The following MC4R variants were observed in gnomAD, a reference collection of about 807,000 sequenced individuals.
The protein encoded by MC4R is melanocortin 4 receptor, also known as melanocortin receptor 4.
A neutral mutation model predicts 16.1 loss-of-function variants in MC4R; 15 were observed. The observed-to-expected ratio is 0.93, with a 90% CI of 0.62 to 1.44. MC4R has a LOEUF of 1.44. MC4R is among the 40% of genes most tolerant of loss of function. MC4R has a pLI of 0.00. For synonymous variants in MC4R, 162 were observed against 151.7 expected (o/e 1.07, Z -0.50); for missense variants, 416 against 411.4 (o/e 1.01, Z -0.10).
chr18:60,371,354 A>G lies in MC4R; in HGVS notation c.996T>C (p.Tyr332=). Residue 332 remains tyrosine (Y), a synonymous_variant, in exon 1 of 1, where the codon TAT becomes TAC. Transcript: ENST00000299766. ...LGGLCDLSSR[Y] ...ATATTGCGTGCTCTGTCCCCATTTA[A>G]TATCTGCTAGACAAGTCACAAAGGC... The G allele has an allele frequency of 6.2e-7, 1 of 1,614,168 alleles. No homozygotes were observed. Among genetic ancestry groups the G allele is most frequent in the Non-Finnish European group, 8.5e-7 (1 of 1,180,026 alleles).
rs371201478 is a variant in MC4R at position 60,371,427 on chromosome 18, T to A, written c.923A>T (p.Glu308Val). The change falls in exon 1 of 1, where the codon GAA (glutamate) becomes GTA (valine). Residue 308 changes from glutamate to valine, a missense_variant. Glu to Val is a moderately radical substitution (Grantham distance 121). Transcript: ENST00000299766. ...GATCTCTTTGAAGGTTTTCCTCAGTTCTTGACTCCGGAGTGCATAAATCAG... is the reference window on the plus strand; with the variant it reads ...GATCTCTTTGAAGGTTTTCCTCAGTACTTGACTCCGGAGTGCATAAATCAG... ...DPLIYALRSQ[E>V]LRKTFKEIIC... 6.2e-6 allele frequency: 10 copies of A among 1,614,062 alleles called. No homozygotes were observed. The African/African-American group carries it at 1.3e-4, about 22-fold the overall frequency.
rs13447324 is a variant in MC4R at position 60,372,245 on chromosome 18, G to T, written c.105C>A (p.Tyr35Ter). 6.7e-5 allele frequency: 108 copies of T among 1,614,092 alleles called. No individual in the cohort carries two copies. Among genetic ancestry groups the T allele is most frequent in the Non-Finnish European group, 8.6e-5 (102 of 1,180,048 alleles). Reference sequence around the variant, plus strand: ...GTTGCTCGTAGCACCCTCCATCAGAGTAGCCTTTTCCAAGGGACTCACTGG... The same window carrying T: ...GTTGCTCGTAGCACCCTCCATCAGATTAGCCTTTTCCAAGGGACTCACTGG... ...SNASESLGKG[Y>*]SDGGCYEQLF... Residue 35 changes from tyrosine to a stop codon, truncating the protein, a stop_gained, in exon 1 of 1, where the codon TAC becomes TAA. Transcript: ENST00000299766. LOFTEE classifies it high-confidence loss of function.
In MC4R at chr18:60,371,444, A is replaced by G; in HGVS notation, c.906T>C (p.Tyr302=). The change falls in exon 1 of 1, where the codon TAT becomes TAC. Residue 302 remains tyrosine (Y), a synonymous_variant. Transcript: ENST00000299766. Reference sequence around the variant, plus strand: ...TCCTCAGTTCTTGACTCCGGAGTGCATAAATCAGAGGATCGATGATTGAAT... The same window carrying G: ...TCCTCAGTTCTTGACTCCGGAGTGCGTAAATCAGAGGATCGATGATTGAAT... ...MCNSIIDPLI[Y]ALRSQELRKT... is the part of the protein sequence containing the mutation. 1 of 1,614,258 alleles carries G rather than the reference A, an allele frequency of 6.2e-7. No individual in the cohort carries two copies. The highest frequency in any genetic ancestry group is 1.3e-5 in the African/African-American group (1 of 75,082).
chr18:60,372,525 T>C lies in MC4R; in HGVS notation c.-176A>G, dbSNP rs78877161. 1.4e-3 allele frequency: 950 copies of C among 683,080 alleles called. 7 individuals carry two copies. In the African/African-American group the frequency reaches 0.015, roughly 11 times the overall value. 42.3% of individuals were successfully genotyped at this position (683,080 alleles called of 1,614,324 possible). A position where few individuals can be genotyped will look rare whatever the true frequency, so the allele number is the denominator to read the frequency against. ...GCTTGACATGGAGTTTTTAGTCTCT[T>C]TTAGGTACGACTCTAATCATCATCA... On this transcript the variant is annotated 5_prime_UTR_variant, in exon 1 of 1. Transcript: ENST00000299766.
chr18:60,372,558 A>C lies in MC4R; in HGVS notation c.-209T>G, dbSNP rs1915373608. On this transcript the variant is annotated 5_prime_UTR_variant, in exon 1 of 1. Coordinates refer to ENST00000299766, the MANE Select transcript of MC4R (RefSeq NM_005912.3). ...CGACTCTAATCATCATCACTTTAAA[A>C]TCTTGGGCTTCAAAATATTCATTCT... is the stretch of plus-strand genomic sequence containing the variant. The C allele has an allele frequency of 1.6e-6, 1 of 612,018 alleles. No homozygotes were observed. The highest frequency in any genetic ancestry group is 3.0e-6 in the Non-Finnish European group (1 of 337,400). 37.9% of individuals were successfully genotyped at this position (612,018 alleles called of 1,614,324 possible). A position where few individuals can be genotyped will look rare whatever the true frequency, so the allele number is the denominator to read the frequency against.
chr18:60,372,673 C>A lies in MC4R; in HGVS notation c.-324G>T. Reference sequence around the variant, plus strand: ...TTCAAGTCTGTTCAAAATAATTTTCCTTGAAGCTGCCATGCCATTGGGAGA... The same window carrying A: ...TTCAAGTCTGTTCAAAATAATTTTCATTGAAGCTGCCATGCCATTGGGAGA... On this transcript the variant is annotated 5_prime_UTR_variant, in exon 1 of 1. It adds an upstream start codon to the 5' untranslated region. Transcript: ENST00000299766. 1 of 375,868 alleles carries A rather than the reference C, an allele frequency of 2.7e-6. No homozygotes were observed. Among genetic ancestry groups the A allele is most frequent in the Non-Finnish European group, 5.3e-6 (1 of 188,700 alleles). 23.3% of individuals were successfully genotyped at this position (375,868 alleles called of 1,614,324 possible).
rs904329986 is a variant in MC4R, at chr18:60,371,171, A to C, written c.*180T>G. 2.9e-5 allele frequency: 19 copies of C among 655,674 alleles called. No individual in the cohort carries two copies. In the Admixed American group the frequency reaches 3.7e-4, roughly 13 times the overall value. The allele number at this position is 655,674 out of a possible 1,614,324, so 40.6% of individuals were successfully genotyped here. A position where few individuals can be genotyped will look rare whatever the true frequency, so the allele number is the denominator to read the frequency against. On this transcript the variant is annotated 3_prime_UTR_variant, in exon 1 of 1. Coordinates refer to ENST00000299766, the MANE Select transcript of MC4R (RefSeq NM_005912.3). ...CCAAAAAAGTAGCATGACATTGGAA[A>C]TAATACAGAGACTGGGCATTTTTTC...
Position 60,371,574 on chromosome 18 carries a change from G to A in MC4R, c.776C>T (p.Ala259Val), listed in dbSNP as rs762825773. The A allele has an allele frequency of 1.4e-5, 23 of 1,614,080 alleles. No homozygotes were observed. In the Admixed American group the frequency reaches 3.0e-4, roughly 21 times the overall value. The change falls in exon 1 of 1, where the codon GCC becomes GTC. Residue 259 changes from alanine (A) to valine (V), a missense_variant. Coordinates refer to ENST00000299766, the MANE Select transcript of MC4R (RefSeq NM_005912.3). ...GAATATTAAGTGGAGGAAGAATGGG[G>A]CCCAGCAGACAACAAAGACGCCAAT... ...ILIGVFVVCW[A>V]PFFLHLIFYI...
In MC4R at chr18:60,372,304, A is replaced by G; in HGVS notation, c.46T>C (p.Trp16Arg). 6.2e-7 allele frequency: 1 copy of G among 1,614,218 alleles called. No individual in the cohort carries two copies. The highest frequency in any genetic ancestry group is 1.1e-5 in the South Asian group (1 of 91,084). The change falls in exon 1 of 1, where the codon TGG (tryptophan) becomes CGG (arginine). Residue 16 changes from tryptophan to arginine, a missense_variant. Physicochemically the swap from Trp to Arg is moderately radical, Grantham distance 101. Transcript: ENST00000299766. ...HRGMHTSLHLWNRSSYRLHSN... is the reference protein window; with the variant it reads ...HRGMHTSLHLRNRSSYRLHSN... ...TGCAGTCTGTAACTGCTGCGGTTCC[A>G]GAGGTGCAGAGAAGTGTGCATCCCA...
rs914523959 is a variant in MC4R, at chr18:60,371,090, T to G, written c.*261A>C. On this transcript the variant is annotated 3_prime_UTR_variant, in exon 1 of 1. Transcript: ENST00000299766. The stretch of plus-strand genomic sequence containing the variant: ...ATTGTTAAGCTTTTAATAAGGACTT[T>G]TCTTTTTGTAAATCCACAGTGCCTA... The G allele has an allele frequency of 2.4e-5, 11 of 456,206 alleles. No homozygotes were observed. The highest frequency in any genetic ancestry group is 4.0e-5 in the Non-Finnish European group (10 of 248,810). 28.3% of individuals were successfully genotyped at this position (456,206 alleles called of 1,614,324 possible).
rs1483418974 is a variant in MC4R, at chr18:60,372,250, C to A, written c.100G>T (p.Gly34Cys). ...TCGTAGCACCCTCCATCAGAGTAGC[C>A]TTTTCCAAGGGACTCACTGGCATTG... ...HSNASESLGKGYSDGGCYEQL... is the reference protein window; with the variant it reads ...HSNASESLGKCYSDGGCYEQL... Residue 34 changes from glycine to cysteine, a missense_variant, in exon 1 of 1, where the codon GGC (glycine) becomes TGC (cysteine). By Grantham distance (159) the Gly-to-Cys change is radical. Coordinates refer to ENST00000299766, the MANE Select transcript of MC4R (RefSeq NM_005912.3). 2 of 1,614,214 alleles carry A rather than the reference C, an allele frequency of 1.2e-6. No individual in the cohort carries two copies. The highest frequency in any genetic ancestry group is 8.5e-7 in the Non-Finnish European group (1 of 1,180,042).
Position 60,372,120 on chromosome 18 carries a change from G to A in MC4R, c.230C>T (p.Ser77Leu), listed in dbSNP as rs1271243303. Residue 77 changes from serine to leucine, a missense_variant, in exon 1 of 1, where the codon TCA becomes TTA. Ser to Leu is a moderately radical substitution (Grantham distance 145, BLOSUM62 -2). Coordinates refer to ENST00000299766, the MANE Select transcript of MC4R (RefSeq NM_005912.3). The part of the protein sequence containing the change: ...VAIAKNKNLH[S>L]PMYFFICSLA... The stretch of plus-strand genomic sequence containing the variant: ...GCTGCAGATGAAAAAGTACATGGGT[G>A]AATGCAGATTCTTGTTCTTGGCTAT... 4 of 1,614,232 alleles carry A rather than the reference G, an allele frequency of 2.5e-6. No homozygotes were observed. The highest frequency in any genetic ancestry group is 3.4e-6 in the Non-Finnish European group (4 of 1,180,048).
Position 60,371,259 on chromosome 18 carries a change from A to G in MC4R, c.*92T>C. Reference sequence around the variant, plus strand: ...ATTCTCAACCAGTACCCTACACGGAAGAGAAAGCTGTTGCAGAAGTACAAT... The same window carrying G: ...ATTCTCAACCAGTACCCTACACGGAGGAGAAAGCTGTTGCAGAAGTACAAT... On this transcript the variant is annotated 3_prime_UTR_variant, in exon 1 of 1. Transcript: ENST00000299766. The G allele has an allele frequency of 1.5e-6, 2 of 1,309,360 alleles. No individual in the cohort carries two copies. The highest frequency in any genetic ancestry group is 2.2e-6 in the Non-Finnish European group (2 of 909,754). 81.1% of individuals were successfully genotyped at this position (1,309,360 alleles called of 1,614,324 possible). A position where few individuals can be genotyped will look rare whatever the true frequency, so the allele number is the denominator to read the frequency against.
rs1915359215 is a variant in MC4R at position 60,372,103 on chromosome 18, T to C, written c.247A>G (p.Ile83Val). The C allele has an allele frequency of 1.9e-6, 3 of 1,614,120 alleles. No homozygotes were observed. The highest frequency in any genetic ancestry group is 2.5e-6 in the Non-Finnish European group (3 of 1,180,052). ...ATATCAGCCACAGCCAAGCTGCAGA[T>C]GAAAAAGTACATGGGTGAATGCAGA... ...KNLHSPMYFF[I>V]CSLAVADMLV... Residue 83 changes from isoleucine (I) to valine (V), a missense_variant, in exon 1 of 1, where the codon ATC becomes GTC. Transcript: ENST00000299766.
In MC4R at chr18:60,371,954, G is replaced by A; in HGVS notation, c.396C>T (p.Ser132=). The A allele has an allele frequency of 6.2e-7, 1 of 1,614,120 alleles. No individual in the cohort carries two copies. Among genetic ancestry groups the A allele is most frequent in the South Asian group, 1.1e-5 (1 of 91,086 alleles). The change falls in exon 1 of 1, where the codon TCC becomes TCT. Residue 132 remains serine, a synonymous_variant. Coordinates refer to ENST00000299766, the MANE Select transcript of MC4R (RefSeq NM_005912.3). ...GCAGGCTGCAAATGGATGCAAGCAAGGAGCTACAGATCACCGAGTCAATGA... is the reference window on the plus strand; with the variant it reads ...GCAGGCTGCAAATGGATGCAAGCAAAGAGCTACAGATCACCGAGTCAATGA... ...DNVIDSVICS[S]LLASICSLLS... is the part of the protein sequence containing the mutation.
chr18:60,371,621 T>C lies in MC4R; in HGVS notation c.729A>G (p.Gly243=). The change falls in exon 1 of 1, where the codon GGA becomes GGG. Residue 243 remains glycine (G), a synonymous_variant. Coordinates refer to ENST00000299766, the MANE Select transcript of MC4R (RefSeq NM_005912.3). ...CAATCAGGATGGTCAAGGTAATCGC[T>C]CCCTTCATATTGGCACCTTGGCGGA... is the stretch of plus-strand genomic sequence containing the variant. ...GAIRQGANMK[G]AITLTILIGV... is the part of the protein sequence containing the mutation. 1 of 1,614,166 alleles carries C rather than the reference T, an allele frequency of 6.2e-7. No homozygotes were observed. Among genetic ancestry groups the C allele is most frequent in the South Asian group, 1.1e-5 (1 of 91,074 alleles).
rs1186281942 is a variant in MC4R at position 60,371,957 on chromosome 18, G to C, written c.393C>G (p.Ser131Arg). 6.2e-7 allele frequency: 1 copy of C among 1,614,108 alleles called. No individual in the cohort carries two copies. The highest frequency in any genetic ancestry group is 8.5e-7 in the Non-Finnish European group (1 of 1,180,042). ...IDNVIDSVIC[S>R]SLLASICSLL... is the part of the protein sequence containing the mutation. Reference sequence around the variant, plus strand: ...GGCTGCAAATGGATGCAAGCAAGGAGCTACAGATCACCGAGTCAATGACAT... The same window carrying C: ...GGCTGCAAATGGATGCAAGCAAGGACCTACAGATCACCGAGTCAATGACAT... The change falls in exon 1 of 1, where the codon AGC becomes AGG. Residue 131 changes from serine to arginine, a missense_variant. Coordinates refer to ENST00000299766, the MANE Select transcript of MC4R (RefSeq NM_005912.3).
At position 60,371,708 on chromosome 18, in the gene MC4R, G is replaced by A; in HGVS notation, c.642C>T (p.His214=). 6.2e-7 allele frequency: 1 copy of A among 1,614,198 alleles called. No homozygotes were observed. Among genetic ancestry groups the A allele is most frequent in the Non-Finnish European group, 8.5e-7 (1 of 1,180,032 alleles). ...MLALMASLYV[H]MFLMARLHIK... Reference sequence around the variant, plus strand: ...TGTGAAGCCTGGCCATCAGGAACATGTGGACATAGAGAGAAGCCATGAGAG... The same window carrying A: ...TGTGAAGCCTGGCCATCAGGAACATATGGACATAGAGAGAAGCCATGAGAG... Residue 214 remains histidine (H), a synonymous_variant, in exon 1 of 1, where the codon CAC becomes CAT. Coordinates refer to ENST00000299766, the MANE Select transcript of MC4R (RefSeq NM_005912.3).
chr18:60,372,098 G>T lies in MC4R; in HGVS notation c.252C>A (p.Cys84Ter). ...NLHSPMYFFI[C>*]SLAVADMLVS... ...CCAGCATATCAGCCACAGCCAAGCT[G>T]CAGATGAAAAAGTACATGGGTGAAT... The change falls in exon 1 of 1, where the codon TGC (cysteine) becomes TGA (stop). Residue 84 changes from cysteine to a stop codon, truncating the protein, a stop_gained. Transcript: ENST00000299766. LOFTEE classifies it high-confidence loss of function. The T allele has an allele frequency of 6.2e-7, 1 of 1,614,260 alleles. No homozygotes were observed. Among genetic ancestry groups the T allele is most frequent in the Non-Finnish European group, 8.5e-7 (1 of 1,180,052 alleles).
Sources: gnomAD v4.1 joint callset for allele counts on GRCh38, gnomAD v4.1.1 for gene constraint, MANE v1.5 for transcripts, NCBI Gene and HGNC (gene_info 2026-07-23, HGNC 2026-07-21) for gene names.